The following SH3RF3 variants were observed in gnomAD, a reference collection of about 807,000 sequenced individuals.
SH3RF3 encodes E3 ubiquitin-protein ligase SH3RF3.
SH3RF3 carries 29 observed loss-of-function variants against 66.3 expected under a neutral mutation model. The ratio of observed to expected loss-of-function variants is 0.44; its 90% CI spans 0.33 to 0.60. The LOEUF (loss-of-function observed/expected upper bound fraction) is 0.60, where lower values mean the gene tolerates loss of function less well. SH3RF3 is among the 20% of genes least tolerant of loss of function. The probability of loss-of-function intolerance (pLI) is 0.04; values close to 1 mark genes in which losing one functional copy is unlikely to be tolerated. For synonymous variants in SH3RF3, 583 were observed against 532.0 expected (o/e 1.10, Z -1.32); for missense variants, 1,194 against 1,190.9 (o/e 1.00, Z -0.04).
chr2:109,480,949 C>T (rs1678819788), intron 8 of SH3RF3, among the ~76,000 whole-genome samples: 1 of 152,120 alleles, frequency 6.6e-6, no homozygotes. Context: ...CTGGAGCTCA[C>T]TGGAGAGTTG....
chr2:109,430,163 G>C (rs1437040701), intron 5 of SH3RF3, among the ~76,000 whole-genome samples: 1 of 152,358 alleles, frequency 6.6e-6, no homozygotes, highest in East Asian at 1.9e-4. Context: ...AAAAGGAGCT[G>C]TTGGTGCGGC....
chr2:109,141,914 C>T (rs910039123), intron 1 of SH3RF3, among the ~76,000 whole-genome samples: 2 of 152,128 alleles, frequency 1.3e-5, no homozygotes, highest in Non-Finnish European at 2.9e-5. Context: ...CTCCTGCAAG[C>T]TCTGCAGGTG....
chr2:109,433,499 G>A (rs969963746), intron 6 of SH3RF3, among the ~76,000 whole-genome samples: 3 of 152,214 alleles, frequency 2.0e-5, no homozygotes, highest in Non-Finnish European at 4.4e-5. Context: ...GAAGCCCCTC[G>A]TGGGCACGGC....
intron 8 of SH3RF3, among the ~76,000 whole-genome samples, chr2:109,457,526 G>A (rs1678094022): frequency 1.3e-5 from 2 of 152,238 alleles, no homozygotes; most frequent in South Asian, 2.1e-4. Context: ...TAACTAATCA[G>A]GATTACTGTG....
chr2:109,383,205 G>A (rs997580162), intron 3 of SH3RF3, among the ~76,000 whole-genome samples: 1 of 152,228 alleles, frequency 6.6e-6, no homozygotes, highest in South Asian at 2.1e-4. Flanking sequence ...GTGCCTGTAG[G>A]ATGACAGCAG....
intron 1 of SH3RF3, among the ~76,000 whole-genome samples, chr2:109,216,721 T>C (rs1479433101): frequency 1.3e-5 from 2 of 152,258 alleles, no homozygotes; most frequent in African/African-American, 4.8e-5. Flanking sequence ...CATGCTTGTC[T>C]GATCATTTGC....
At chr2:109,457,859 C>G (rs1405941622) in intron 8 of SH3RF3, among the ~76,000 whole-genome samples, 2 of 152,162 alleles carry the variant, frequency 1.3e-5, no homozygotes, top group Non-Finnish European at 2.9e-5. Context: ...ACACATCAGA[C>G]CCAGCCGTCT....
At position 109,503,871 on chromosome 2, in the gene SH3RF3, A is replaced by C. The variant is rs1679460330; in HGVS notation, c.*2200A>C. On this transcript the variant is annotated 3_prime_UTR_variant, in exon 10 of 10. Coordinates refer to ENST00000309415, the MANE Select transcript of SH3RF3 (RefSeq NM_001099289.3). The stretch of plus-strand genomic sequence containing the variant: ...CTGGTGGGGGGCGAGGACACAGCCC[A>C]CTGCATGCAGCATGGTAGAGAGCTG... 1 of 152,204 alleles carries C rather than the reference A, an allele frequency of 6.6e-6. No homozygotes were observed. The highest frequency in any genetic ancestry group is 1.5e-5 in the Non-Finnish European group (1 of 68,038). 9.4% of individuals were successfully genotyped at this position (152,204 alleles called of 1,614,324 possible).
intron 3 of SH3RF3, among the ~76,000 whole-genome samples, chr2:109,393,371 G>A (rs914151125): frequency 2.0e-5 from 3 of 152,188 alleles, no homozygotes; most frequent in East Asian, 3.8e-4. Context: ...GAACAGCATC[G>A]TCGTCTCTTG....
intron 1 of SH3RF3, among the ~76,000 whole-genome samples, chr2:109,266,926 G>C (rs944552653): frequency 6.6e-6 from 1 of 152,252 alleles, no homozygotes; most frequent in Non-Finnish European, 1.5e-5. Flanking sequence ...AGGAGAGGAT[G>C]TCTGTGAGCT....
chr2:109,502,538 AC>A lies in SH3RF3; in HGVS notation c.*869del, dbSNP rs1333491487. ...GAGCGCCGAGAAGCCGCCATCCCGC[AC>A]CTCAGCGCTGGCCAGTACTCTGGGG... is the stretch of plus-strand genomic sequence containing the variant. On this transcript the variant is annotated 3_prime_UTR_variant, in exon 10 of 10. Coordinates refer to ENST00000309415, the MANE Select transcript of SH3RF3 (RefSeq NM_001099289.3). The A allele has an allele frequency of 6.6e-6, 1 of 152,004 alleles. No homozygotes were observed. The highest frequency in any genetic ancestry group is 2.4e-5 in the African/African-American group (1 of 41,378). The allele number at this position is 152,004 out of a possible 1,614,324, so 9.4% of individuals were successfully genotyped here. A position where few individuals can be genotyped will look rare whatever the true frequency, so the allele number is the denominator to read the frequency against.
chr2:109,383,542 G>T (rs556845148), intron 3 of SH3RF3, among the ~76,000 whole-genome samples: 1 of 152,316 alleles, frequency 6.6e-6, no homozygotes. Flanking sequence ...TGGATAGGGT[G>T]CAGGCTTCTG....
intron 1 of SH3RF3, among the ~76,000 whole-genome samples, chr2:109,329,459 C>T (rs1183142360): frequency 6.6e-6 from 1 of 152,174 alleles, no homozygotes; most frequent in Non-Finnish European, 1.5e-5. Context: ...TCAAATGGTT[C>T]CAGAGGCCAT....
intron 4 of SH3RF3, among the ~76,000 whole-genome samples, chr2:109,400,737 G>T (rs1676293626): frequency 6.6e-6 from 1 of 152,170 alleles, no homozygotes; most frequent in African/African-American, 2.4e-5. Flanking sequence ...GGCTCTCATC[G>T]GCGGCTGAGG....
chr2:109,267,278 G>A (rs1190595831), intron 1 of SH3RF3, among the ~76,000 whole-genome samples: 2 of 152,274 alleles, frequency 1.3e-5, no homozygotes, highest in Non-Finnish European at 2.9e-5. Flanking sequence ...CTTCCTGTTA[G>A]GTCTGTGGGA....
chr2:109,479,242 CAAG>C (rs1350401655), intron 8 of SH3RF3, among the ~76,000 whole-genome samples: 1 of 152,150 alleles, frequency 6.6e-6, no homozygotes, highest in Middle Eastern at 3.2e-3. Context: ...GAGGATGTCA[CAAG>C]AGGTCTGCCC....
intron 1 of SH3RF3, among the ~76,000 whole-genome samples, chr2:109,332,610 C>T (rs972144583): frequency 6.6e-6 from 1 of 152,198 alleles, no homozygotes; most frequent in Non-Finnish European, 1.5e-5. Flanking sequence ...CTGTGCTGTG[C>T]TAAGGAAGCC....
intron 1 of SH3RF3, among the ~76,000 whole-genome samples, chr2:109,170,632 G>A (rs554924160): frequency 2.0e-5 from 3 of 152,248 alleles, no homozygotes; most frequent in Non-Finnish European, 2.9e-5. Context: ...TTACAGGTGC[G>A]AGCCACTGTG....
intron 1 of SH3RF3, among the ~76,000 whole-genome samples, chr2:109,154,714 A>G (rs1023711655): frequency 2.0e-5 from 3 of 152,152 alleles, no homozygotes; most frequent in African/African-American, 7.2e-5. Flanking sequence ...GGGTTTGGAC[A>G]AGGTCTGTGG....
Sources: gnomAD v4.1 joint callset for allele counts (sites outside exome capture counted in the v4.1 genomes callset) on GRCh38, gnomAD v4.1.1 for gene constraint, MANE v1.5 for transcripts, NCBI Gene and HGNC (gene_info 2026-07-23, HGNC 2026-07-21) for gene names.